Variants in MSMB observed in about 807,000 individuals in gnomAD.
MSMB encodes the protein beta-microseminoprotein.
In MSMB, 10 loss-of-function variants were observed where a neutral mutation model predicts 10.5. The observed-to-expected ratio is 0.95, with a 90% CI of 0.59 to 1.62. The LOEUF is 1.62. MSMB is among the 40% of genes most tolerant of loss of function. MSMB has a pLI of 0.00. For missense variants in MSMB, 126 were observed against 137.4 expected (o/e 0.92, Z 0.42); for synonymous variants, 43 against 46.5 (o/e 0.93, Z 0.30).
intron 3 of MSMB, among the ~76,000 whole-genome samples, chr10:46,034,098 T>G (rs1231702951): frequency 6.6e-6 from 1 of 152,130 alleles, no homozygotes; most frequent in East Asian, 1.9e-4. Context: ...GCTAGAATAT[T>G]TATGTATTAT....
chr10:46,040,675 C>T (rs1435445144), intron 1 of MSMB, among the ~76,000 whole-genome samples: 4 of 152,198 alleles, frequency 2.6e-5, no homozygotes, highest in Non-Finnish European at 5.9e-5. Flanking sequence ...AACTTCTCTG[C>T]CAGGCACGGT....
intron 1 of MSMB, among the ~76,000 whole-genome samples, chr10:46,043,794 C>T (rs1840809410): frequency 6.6e-6 from 1 of 152,136 alleles, no homozygotes; most frequent in South Asian, 2.1e-4. Flanking sequence ...CCTGCCTCAG[C>T]CTCCTGAGTA....
chr10:46,039,297 C>G (rs894774461), intron 2 of MSMB, among the ~76,000 whole-genome samples: 4 of 152,194 alleles, frequency 2.6e-5, no homozygotes, highest in African/African-American at 9.7e-5. Flanking sequence ...TTATATCCTT[C>G]TAAGTTTTAT....
intron 3 of MSMB, 30 bp downstream of exon 3, chr10:46,038,936 C>A (rs782737328): frequency 9.5e-6 from 15 of 1,581,976 alleles, no homozygotes; most frequent in African/African-American, 1.3e-5. Flanking sequence ...GCTATGTCCC[C>A]CTCTTGGCCA....
In MSMB at chr10:46,039,068, C is replaced by T; in HGVS notation, c.113G>A (p.Cys38Tyr). Residue 38 changes from cysteine (C) to tyrosine (Y), a missense_variant, in exon 3 of 4, where the codon TGC becomes TAC. Transcript: ENST00000582163. The stretch of plus-strand genomic sequence containing the variant: ...GTGTTTGTTTCCTTTGAGATCCATG[C>T]ATTCTAAAATAATACACACAACATC... ...EGVPGDSTRK[C>Y]MDLKGNKHPI... The T allele has an allele frequency of 3.1e-6, 5 of 1,613,506 alleles. No individual in the cohort carries two copies. Among genetic ancestry groups the T allele is most frequent in the Non-Finnish European group, 4.2e-6 (5 of 1,179,556 alleles).
intron 3 of MSMB, among the ~76,000 whole-genome samples, chr10:46,038,020 A>G (rs1181621556): frequency 6.6e-6 from 1 of 152,210 alleles, no homozygotes; most frequent in Admixed American, 6.5e-5. Flanking sequence ...GCCAGTCTCA[A>G]AAAAGCAATT....
chr10:46,033,669 T>C, intron 3 of MSMB, 118 bp from the exon 4 acceptor site: 2 of 1,468,012 alleles, frequency 1.4e-6, no homozygotes, highest in Non-Finnish European at 1.8e-6. Flanking sequence ...ACCCTTTGGC[T>C]GGCAGCCCCA....
chr10:46,044,452 T>G (rs1840837709), intron 1 of MSMB, among the ~76,000 whole-genome samples: 1 of 109,078 alleles, frequency 9.2e-6, no homozygotes, highest in Non-Finnish European at 2.0e-5. Context: ...GGCGGGCGCC[T>G]GTAGTCCCAG....
chr10:46,044,987 C>T (rs1453527388), intron 1 of MSMB, among the ~76,000 whole-genome samples: 3 of 152,002 alleles, frequency 2.0e-5, no homozygotes, highest in Non-Finnish European at 4.4e-5. Flanking sequence ...ATCCCCAGTT[C>T]TGCCTCCGGA....
At chr10:46,044,769 T>C (rs1554929214) in intron 1 of MSMB, among the ~76,000 whole-genome samples, 1 of 151,470 alleles carries the variant, frequency 6.6e-6, no homozygotes, top group African/African-American at 2.4e-5. Context: ...CTGGGCAACA[T>C]AGTAAAAACT....
chr10:46,039,128 T>C, intron 2 of MSMB, 57 bp from the exon 3 acceptor site: 2 of 1,476,346 alleles, frequency 1.4e-6, no homozygotes, highest in Admixed American at 1.7e-5. Context: ...ACAAGGCCTA[T>C]CAGGACATTG....
At chr10:46,040,432 C>T (rs1357496084) in intron 1 of MSMB, among the ~76,000 whole-genome samples, 1 of 152,158 alleles carries the variant, frequency 6.6e-6, no homozygotes, top group African/African-American at 2.4e-5. Flanking sequence ...AAAATGCAGT[C>T]GCCCATGCTG....
chr10:46,038,260 G>C (rs1404772106), intron 3 of MSMB, among the ~76,000 whole-genome samples: 1 of 151,962 alleles, frequency 6.6e-6, no homozygotes, highest in African/African-American at 2.4e-5. Flanking sequence ...TTGTTAACAT[G>C]GTACATTTTA....
intron 1 of MSMB, among the ~76,000 whole-genome samples, chr10:46,045,458 G>A (rs1250021504): frequency 6.6e-6 from 1 of 152,136 alleles, no homozygotes; most frequent in African/African-American, 2.4e-5. Context: ...CCTGAGCCCA[G>A]GAAGGTCCAG....
chr10:46,041,771 G>A (rs1397239862), intron 1 of MSMB, among the ~76,000 whole-genome samples: 1 of 151,722 alleles, frequency 6.6e-6, no homozygotes, highest in East Asian at 1.9e-4. Context: ...TCCAGCCTGG[G>A]CAACAGAGTG....
intron 3 of MSMB, among the ~76,000 whole-genome samples, chr10:46,037,069 C>G (rs1009171519): frequency 9.2e-5 from 14 of 152,224 alleles, no homozygotes; most frequent in African/African-American, 3.4e-4. Context: ...TTCCATTAGG[C>G]ACCTAGCATG....
At chr10:46,033,756 C>T in intron 3 of MSMB, among the ~76,000 whole-genome samples, 1 of 152,222 alleles carries the variant, frequency 6.6e-6, no homozygotes, top group East Asian at 1.9e-4. Flanking sequence ...ATCCTGCAGG[C>T]ACAGAAGGTC....
intron 1 of MSMB, among the ~76,000 whole-genome samples, chr10:46,045,323 G>C (rs1840868647): frequency 6.6e-6 from 1 of 152,072 alleles, no homozygotes; most frequent in East Asian, 1.9e-4. Flanking sequence ...CATGAGCCCA[G>C]GAGTTCAAGA....
chr10:46,045,138 C>T (rs1345076602), intron 1 of MSMB, among the ~76,000 whole-genome samples: 2 of 152,194 alleles, frequency 1.3e-5, no homozygotes, highest in African/African-American at 4.8e-5. Flanking sequence ...GCCCCCAGAG[C>T]AGCCCAGTTC....
Sources: allele counts gnomAD v4.1 joint callset (sites outside exome capture counted in the v4.1 genomes callset), GRCh38; gene constraint gnomAD v4.1.1; transcripts MANE v1.5; gene names NCBI Gene and HGNC (gene_info 2026-07-23, HGNC 2026-07-21).